Variants in SPOCK1 observed in about 807,000 individuals in gnomAD.
SPOCK1 encodes the protein SPARC (osteonectin), cwcv and kazal like domains proteoglycan 1, also known as testican-1.
A neutral mutation model predicts 55.3 loss-of-function variants in SPOCK1; 23 were observed. The observed-to-expected ratio is 0.42, with a 90% CI of 0.30 to 0.59. The LOEUF (loss-of-function observed/expected upper bound fraction) is 0.59, where lower values mean the gene tolerates loss of function less well. SPOCK1 is among the 20% of genes least tolerant of loss of function. The pLI, the probability that SPOCK1 is intolerant of heterozygous loss-of-function variation, is 0.22. For synonymous variants in SPOCK1, 226 were observed against 221.0 expected (o/e 1.02, Z -0.20); for missense variants, 499 against 552.5 (o/e 0.90, Z 0.97).
chr5:136,984,441 G>A (rs1750801281), intron 9 of SPOCK1, among the ~76,000 whole-genome samples: 1 of 152,076 alleles, frequency 6.6e-6, no homozygotes. Flanking sequence ...AGCAAGGAAA[G>A]CAAAGCAGGC....
At chr5:137,382,315 C>A (rs915637991) in intron 2 of SPOCK1, among the ~76,000 whole-genome samples, 14 of 152,232 alleles carry the variant, frequency 9.2e-5, no homozygotes, top group African/African-American at 3.4e-4. Flanking sequence ...CCACATCTTT[C>A]TGTCTTCTTC....
intron 2 of SPOCK1, among the ~76,000 whole-genome samples, chr5:137,493,742 C>T (rs1311380258): frequency 6.6e-6 from 1 of 152,192 alleles, no homozygotes; most frequent in Non-Finnish European, 1.5e-5. Context: ...CTGCTACTCT[C>T]GATTACGGGC....
chr5:137,289,507 T>TA (rs1480270712), intron 2 of SPOCK1, among the ~76,000 whole-genome samples: 4 of 152,142 alleles, frequency 2.6e-5, no homozygotes, highest in Non-Finnish European at 5.9e-5. Context: ...GGTACTTTTT[T>TA]ATCATAAAGA....
intron 3 of SPOCK1, among the ~76,000 whole-genome samples, chr5:137,160,605 A>AT (rs1754525400): frequency 3.9e-5 from 3 of 77,424 alleles, no homozygotes; most frequent in African/African-American, 1.6e-4. Flanking sequence ...TATATTATAT[A>AT]TAATATATAA....
intron 2 of SPOCK1, among the ~76,000 whole-genome samples, chr5:137,414,663 T>C (rs1303961144): frequency 6.6e-6 from 1 of 152,220 alleles, no homozygotes; most frequent in Non-Finnish European, 1.5e-5. Context: ...TGTGACCATG[T>C]ATCCACCTAT....
chr5:136,985,046 G>T, intron 9 of SPOCK1, 94 bp downstream of exon 9: 2 of 1,219,836 alleles, frequency 1.6e-6, no homozygotes, highest in Non-Finnish European at 2.4e-6. Context: ...TGAAACACTA[G>T]CCCTAATTGA....
At chr5:137,044,542 C>A (rs1270430284) in intron 6 of SPOCK1, among the ~76,000 whole-genome samples, 1 of 152,158 alleles carries the variant, frequency 6.6e-6, no homozygotes, top group Admixed American at 6.5e-5. Context: ...AGATGGAGAT[C>A]ATAGTCCCTC....
chr5:137,281,405 C>T (rs1387684052), intron 2 of SPOCK1, among the ~76,000 whole-genome samples: 1 of 152,212 alleles, frequency 6.6e-6, no homozygotes, highest in Non-Finnish European at 1.5e-5. Flanking sequence ...AGGAATGTTT[C>T]CAGGCAGCTG....
At chr5:136,989,193 T>C (rs1580695853) in intron 7 of SPOCK1, among the ~76,000 whole-genome samples, 1 of 152,370 alleles carries the variant, frequency 6.6e-6, no homozygotes, top group East Asian at 1.9e-4. Context: ...ACTCTTCTCT[T>C]CTGCAATCCC....
In SPOCK1 at chr5:137,493,518, T is replaced by C. The variant is rs566504976; in HGVS notation, c.186+4855A>G. Among the ~76,000 whole-genome samples the C allele has an allele frequency of 2.9e-3, 447 of 152,316 alleles. 2 individuals are homozygous for C. Among genetic ancestry groups the C allele is most frequent in the Admixed American group, 5.1e-3 (78 of 15,300 alleles). On this transcript the variant is annotated intron_variant, in intron 2 of 10. Coordinates refer to ENST00000394945, the MANE Select transcript of SPOCK1 (RefSeq NM_004598.4). ...CATCTGAGAAGACTTAGCTTTTCTC[T>C]GGCAAGGGCACATTGAAGGTAAGGA...
rs190669767 is a variant in SPOCK1, at chr5:137,356,869, A to T, written c.187-89814T>A. ...GAGAGAGAGAGAGAGAGAGAGAGAG[A>T]GAGAGAGTATGCAGACCAACCAGGG... On this transcript the variant is annotated intron_variant, in intron 2 of 10. Coordinates refer to ENST00000394945, the MANE Select transcript of SPOCK1 (RefSeq NM_004598.4). Among the ~76,000 whole-genome samples the T allele has an allele frequency of 1.3e-3, 160 of 125,822 alleles. 11 individuals carry two copies. Among genetic ancestry groups the T allele is most frequent in the African/African-American group, 4.8e-3 (156 of 32,292 alleles). 82.5% of individuals were successfully genotyped at this position (125,822 alleles called of 152,430 possible). A position where few individuals can be genotyped will look rare whatever the true frequency, so the allele number is the denominator to read the frequency against.
At chr5:137,275,207 T>C (rs1318467747) in intron 2 of SPOCK1, among the ~76,000 whole-genome samples, 1 of 152,240 alleles carries the variant, frequency 6.6e-6, no homozygotes, top group Non-Finnish European at 1.5e-5. Context: ...CAAATTATAC[T>C]GGCCTGAGGC....
chr5:137,122,357 T>C (rs762597967), intron 4 of SPOCK1, among the ~76,000 whole-genome samples: 6 of 152,146 alleles, frequency 3.9e-5, no homozygotes, highest in Non-Finnish European at 7.4e-5. Flanking sequence ...TTGCAAGCTA[T>C]TAGGGAAATG....
At chr5:137,130,822 A>G (rs1282428864) in intron 4 of SPOCK1, among the ~76,000 whole-genome samples, 1 of 152,210 alleles carries the variant, frequency 6.6e-6, no homozygotes, top group Non-Finnish European at 1.5e-5. Flanking sequence ...GCACAGCAAC[A>G]TTGGGTTCAA....
intron 3 of SPOCK1, among the ~76,000 whole-genome samples, chr5:137,232,432 A>G (rs927196600): frequency 3.3e-5 from 5 of 152,184 alleles, no homozygotes; most frequent in African/African-American, 1.2e-4. Flanking sequence ...CGCATCACTT[A>G]TTGGAAAGGC....
chr5:137,436,780 T>C (rs1375818149), intron 2 of SPOCK1, among the ~76,000 whole-genome samples: 2 of 152,218 alleles, frequency 1.3e-5, no homozygotes, highest in African/African-American at 4.8e-5. Flanking sequence ...TGTCATTCAG[T>C]AAATTTTTGT....
intron 2 of SPOCK1, among the ~76,000 whole-genome samples, chr5:137,452,989 C>G (rs1245389336): frequency 2.6e-5 from 4 of 152,158 alleles, no homozygotes; most frequent in African/African-American, 9.7e-5. Flanking sequence ...ACCTTCAAGT[C>G]CATGAATCTG....
chr5:137,458,626 C>A (rs889929598), intron 2 of SPOCK1, among the ~76,000 whole-genome samples: 5 of 152,168 alleles, frequency 3.3e-5, no homozygotes, highest in Admixed American at 3.3e-4. Context: ...TTTGCTCCAA[C>A]GAAATTTCTC....
intron 2 of SPOCK1, among the ~76,000 whole-genome samples, chr5:137,471,089 C>G (rs1472256784): frequency 6.6e-6 from 1 of 152,138 alleles, no homozygotes; most frequent in Non-Finnish European, 1.5e-5. Flanking sequence ...GCTCACTAAA[C>G]GTTGGCATTA....
Sources: allele counts gnomAD v4.1 joint callset (sites outside exome capture counted in the v4.1 genomes callset), GRCh38; gene constraint gnomAD v4.1.1; transcripts MANE v1.5; gene names NCBI Gene and HGNC (gene_info 2026-07-23, HGNC 2026-07-21).